The following CBLN2 variants were observed in gnomAD, a reference collection of about 807,000 sequenced individuals.
The protein encoded by CBLN2 is cerebellin 2 precursor.
A neutral mutation model predicts 15.0 loss-of-function variants in CBLN2; 7 were observed. That is an observed-to-expected ratio of 0.47 (90% CI 0.27 to 0.88). The LOEUF is 0.88. Among genes scored for constraint, CBLN2 ranks in the 40% least tolerant of loss-of-function variants. The probability of loss-of-function intolerance (pLI) is 0.14; values close to 1 mark genes in which losing one functional copy is unlikely to be tolerated. For synonymous variants in CBLN2, 149 were observed against 135.2 expected, an observed-to-expected ratio of 1.10 and a Z score of -0.71; for missense variants, 242 against 304.5, an observed-to-expected ratio of 0.79 and a Z score of 1.53.
chr18:72,636,117 T>A (rs945139073), intron 1 of CBLN2, among the ~76,000 whole-genome samples: 1 of 152,226 alleles, frequency 6.6e-6, no homozygotes, highest in Non-Finnish European at 1.5e-5. Context: ...ATTTATAGTG[T>A]TAATCTTTGG....
intron 1 of CBLN2, among the ~76,000 whole-genome samples, chr18:72,593,088 T>C (rs1480756487): frequency 6.6e-6 from 1 of 152,130 alleles, no homozygotes; most frequent in Admixed American, 6.5e-5. Context: ...GTAGTAGGGG[T>C]ATTTTAACAA....
At chr18:72,568,251 T>A (rs989458943) in intron 1 of CBLN2, among the ~76,000 whole-genome samples, 1 of 152,172 alleles carries the variant, frequency 6.6e-6, no homozygotes, top group Non-Finnish European at 1.5e-5. Flanking sequence ...ACAGGGTAAT[T>A]CTCAAACTTT....
intron 1 of CBLN2, among the ~76,000 whole-genome samples, chr18:72,616,472 A>C (rs943465639): frequency 1.3e-5 from 2 of 151,950 alleles, no homozygotes; most frequent in African/African-American, 4.8e-5. Context: ...TCTGTTTCTC[A>C]TTGGAACAGA....
intron 1 of CBLN2, among the ~76,000 whole-genome samples, chr18:72,576,212 C>G (rs1470310206): frequency 2.0e-5 from 3 of 152,136 alleles, no homozygotes; most frequent in Non-Finnish European, 4.4e-5. Context: ...TTAATGGTGA[C>G]TTTGCTTCCT....
At chr18:72,592,317 C>T (rs757302038) in intron 1 of CBLN2, among the ~76,000 whole-genome samples, 6 of 151,686 alleles carry the variant, frequency 4.0e-5, no homozygotes, top group Non-Finnish European at 7.4e-5. Flanking sequence ...AAATATCCAT[C>T]CAGATCTTTG....
At chr18:72,576,826 C>T (rs1283273286) in intron 1 of CBLN2, among the ~76,000 whole-genome samples, 1 of 150,584 alleles carries the variant, frequency 6.6e-6, no homozygotes, top group Non-Finnish European at 1.5e-5. Flanking sequence ...AAAAAACTAC[C>T]TGGCTGTTAA....
Position 72,556,280 on chromosome 18 carries a change from A to G in CBLN2, c.16-17508T>C, listed in dbSNP as rs113584089. Among the ~76,000 whole-genome samples, 15 of 152,372 alleles carry G rather than the reference A, an allele frequency of 9.8e-5. 1 individual carries two copies. The South Asian group carries it at 1.2e-3, about 13-fold the overall frequency. On this transcript the variant is annotated intron_variant, in intron 1 of 2. Coordinates refer to the CBLN2 transcript ENST00000581073. ...CACAAAAAAGAAAAAGAAAACACTTAGGGAGATAGGATAACTCTTCCAAAT... is the reference window on the plus strand; with the variant it reads ...CACAAAAAAGAAAAAGAAAACACTTGGGGAGATAGGATAACTCTTCCAAAT...
intron 1 of CBLN2, among the ~76,000 whole-genome samples, chr18:72,557,593 C>T (rs1362962409): frequency 2.6e-5 from 4 of 152,156 alleles, no homozygotes; most frequent in Admixed American, 1.3e-4. Context: ...TATGAGATCA[C>T]GTCCTTTGAA....
intron 1 of CBLN2, among the ~76,000 whole-genome samples, chr18:72,615,169 AT>A (rs2069650226): frequency 7.5e-6 from 1 of 133,432 alleles, no homozygotes; most frequent in African/African-American, 2.8e-5. Flanking sequence ...ATATATATAA[AT>A]ATATATTTAT....
chr18:72,593,022 G>A (rs187783815), intron 1 of CBLN2, among the ~76,000 whole-genome samples: 25 of 152,106 alleles, frequency 1.6e-4, no homozygotes, highest in African/African-American at 5.1e-4. Flanking sequence ...CTATTTTCAC[G>A]AAGAATGTCA....
intron 1 of CBLN2, among the ~76,000 whole-genome samples, chr18:72,595,014 T>C (rs1046534363): frequency 1.3e-5 from 2 of 151,900 alleles, no homozygotes; most frequent in African/African-American, 4.8e-5. Context: ...GTTTTTTTTT[T>C]CAATTTAATT....
chr18:72,625,810 C>CTA (rs771321456), intron 1 of CBLN2, among the ~76,000 whole-genome samples: 3,435 of 67,014 alleles, frequency 0.051, 65 homozygotes, highest in Non-Finnish European at 0.078. Context: ...CTCTCTCTCT[C>CTA]TCTCTCTCTA....
chr18:72,538,611 A>G, intron 4 of CBLN2, 42 bp downstream of exon 4: 1 of 1,611,280 alleles, frequency 6.2e-7, no homozygotes, highest in Non-Finnish European at 8.5e-7. Context: ...ATGGGGAACT[A>G]TTAACTCAAA....
rs184666258 is a variant in CBLN2, at chr18:72,565,443, C to T, written c.16-26671G>A. 8.1e-3 allele frequency among the ~76,000 whole-genome samples: 1,233 copies of T among 152,054 alleles called. 11 individuals are homozygous for T. The highest frequency in any genetic ancestry group is 0.01 in the Non-Finnish European group (689 of 67,948). On this transcript the variant is annotated intron_variant, in intron 1 of 2. Coordinates refer to the CBLN2 transcript ENST00000581073. ...TAAAAATAAAAATGGTCAACAATAG[C>T]TGTAGCTAAAAAACTTGTTGAGGAA...
rs192324000 is a variant in CBLN2 at position 72,588,622 on chromosome 18, C to A, written c.15+49703G>T. 3.9e-5 allele frequency among the ~76,000 whole-genome samples: 6 copies of A among 152,304 alleles called. No individual in the cohort carries two copies. The South Asian group carries it at 1.0e-3, about 26-fold the overall frequency. On this transcript the variant is annotated intron_variant, in intron 1 of 2. Transcript: ENST00000581073. ...CACTTCGACAGGACGATTTCCAGTG[C>A]TCTGTGTTGGTGCCAGGACAGAGGA...
chr18:72,575,807 G>T (rs947998302), intron 1 of CBLN2, among the ~76,000 whole-genome samples: 7 of 34,680 alleles, frequency 2.0e-4, no homozygotes, highest in Admixed American at 1.3e-3. Flanking sequence ...GATGTGCGGT[G>T]ACCTGATTGG....
At chr18:72,617,009 T>C (rs1417760928) in intron 1 of CBLN2, among the ~76,000 whole-genome samples, 2 of 152,220 alleles carry the variant, frequency 1.3e-5, no homozygotes, top group Non-Finnish European at 2.9e-5. Flanking sequence ...TAAATGCTTA[T>C]TTAAATTGTA....
chr18:72,594,413 A>G (rs372918194), intron 1 of CBLN2, among the ~76,000 whole-genome samples: 9 of 151,010 alleles, frequency 6.0e-5, no homozygotes, highest in Admixed American at 3.3e-4. Context: ...TTTTGCATCA[A>G]TGTTCATCAT....
intron 1 of CBLN2, among the ~76,000 whole-genome samples, chr18:72,555,596 TCTA>T (rs746855895): frequency 6.6e-6 from 1 of 152,174 alleles, no homozygotes; most frequent in Non-Finnish European, 1.5e-5. Flanking sequence ...TATACAGTAA[TCTA>T]CTTTTTCCAT....
Sources: gnomAD v4.1 joint callset for allele counts (sites outside exome capture counted in the v4.1 genomes callset) on GRCh38, gnomAD v4.1.1 for gene constraint, MANE v1.5 for transcripts, NCBI Gene and HGNC (gene_info 2026-07-23, HGNC 2026-07-21) for gene names.